LSAMP: variants seen among roughly 807,000 people sequenced by gnomAD.
The protein encoded by LSAMP is limbic system-associated membrane protein.
A neutral mutation model predicts 38.6 loss-of-function variants in LSAMP; 7 were observed. The observed-to-expected ratio is 0.18, with a 90% CI of 0.10 to 0.34. The LOEUF (loss-of-function observed/expected upper bound fraction) is 0.34, where lower values mean the gene tolerates loss of function less well. Among genes scored for constraint, LSAMP ranks in the 10% least tolerant of loss-of-function variants. The probability of loss-of-function intolerance (pLI) is 1.00; values close to 1 mark genes in which losing one functional copy is unlikely to be tolerated. For missense variants in LSAMP, 313 were observed against 420.0 expected (o/e 0.75, Z 2.23); for synonymous variants, 154 against 166.8 (o/e 0.92, Z 0.59).
chr3:116,131,574 T>C (rs1446372663), intron 1 of LSAMP, among the ~76,000 whole-genome samples: 1 of 152,090 alleles, frequency 6.6e-6, no homozygotes, highest in Non-Finnish European at 1.5e-5. Flanking sequence ...ATAGAGAGTC[T>C]ACCAGGGAAC....
At chr3:116,068,122 C>T (rs1389232281) in intron 2 of LSAMP, among the ~76,000 whole-genome samples, 2 of 152,030 alleles carry the variant, frequency 1.3e-5, no homozygotes, top group Non-Finnish European at 2.9e-5. Context: ...GGTTTATAAC[C>T]ATGGAAGCAT....
At chr3:116,023,536 C>T (rs187661404) in intron 2 of LSAMP, among the ~76,000 whole-genome samples, 1,797 of 139,498 alleles carry the variant, frequency 0.013, 16 homozygotes, top group Non-Finnish European at 0.021. Flanking sequence ...ACCCAGGAGG[C>T]GGAGGTTGCA....
At chr3:116,259,699 A>G (rs2046800448) in intron 1 of LSAMP, among the ~76,000 whole-genome samples, 1 of 152,098 alleles carries the variant, frequency 6.6e-6, no homozygotes, top group Admixed American at 6.6e-5. Flanking sequence ...CATTTCGTAA[A>G]GTTGCTTGCA....
At chr3:115,986,404 T>C (rs1232136015) in intron 3 of LSAMP, among the ~76,000 whole-genome samples, 1 of 152,120 alleles carries the variant, frequency 6.6e-6, no homozygotes, top group African/African-American at 2.4e-5. Flanking sequence ...ATTTCACCAG[T>C]ATATCTTAGG....
At chr3:116,366,278 C>T (rs1228575208) in intron 1 of LSAMP, among the ~76,000 whole-genome samples, 1 of 152,036 alleles carries the variant, frequency 6.6e-6, no homozygotes, top group African/African-American at 2.4e-5. Flanking sequence ...CTTTTTGTTT[C>T]CCTACCAAAC....
chr3:116,268,790 ATAT>A lies in LSAMP; in HGVS notation c.155+176084_155+176086del, dbSNP rs1265663430. Reference sequence around the variant, plus strand: ...TATAATTTGTTGCTCATTTAAAAAAATATTATTATTCTCTTGTAGGATGAAGGA... The same window carrying A: ...TATAATTTGTTGCTCATTTAAAAAAATATTATTCTCTTGTAGGATGAAGGA... On this transcript the variant is annotated intron_variant, in intron 1 of 6. Transcript: ENST00000490035. Among the ~76,000 whole-genome samples, 29 of 152,064 alleles carry A rather than the reference ATAT, an allele frequency of 1.9e-4. 1 individual carries two copies. Among genetic ancestry groups the A allele is most frequent in the Admixed American group, 7.9e-4 (12 of 15,248 alleles).
chr3:115,824,512 C>G (rs1182173694), intron 6 of LSAMP, among the ~76,000 whole-genome samples: 1 of 152,036 alleles, frequency 6.6e-6, no homozygotes, highest in African/African-American at 2.4e-5. Flanking sequence ...ACCAGCCTGG[C>G]CAACATGGTG....
At chr3:116,164,655 TATATATATAATCCAA>T in intron 1 of LSAMP, among the ~76,000 whole-genome samples, 2 of 137,092 alleles carry the variant, frequency 1.5e-5, no homozygotes, top group African/African-American at 5.4e-5. Context: ...AATCCAAATA[TATATATATAATCCAA>T]ATATATATAT....
At chr3:116,434,534 G>A (rs938360673) in intron 1 of LSAMP, among the ~76,000 whole-genome samples, 1 of 152,152 alleles carries the variant, frequency 6.6e-6, no homozygotes, top group African/African-American at 2.4e-5. Context: ...GAGCAAAGAG[G>A]TAACTAGTAA....
At chr3:116,200,436 T>G (rs538246063) in intron 1 of LSAMP, among the ~76,000 whole-genome samples, 1 of 152,136 alleles carries the variant, frequency 6.6e-6, no homozygotes, top group Non-Finnish European at 1.5e-5. Context: ...CTAATAACAG[T>G]GGATTTTTCA....
At chr3:116,134,533 G>A (rs1210784259) in intron 1 of LSAMP, among the ~76,000 whole-genome samples, 2 of 152,086 alleles carry the variant, frequency 1.3e-5, no homozygotes, top group African/African-American at 2.4e-5. Flanking sequence ...CCTTTTCACC[G>A]TGCTTAAGGT....
At chr3:116,193,051 G>C (rs919262559) in intron 1 of LSAMP, among the ~76,000 whole-genome samples, 4 of 151,962 alleles carry the variant, frequency 2.6e-5, no homozygotes, top group Non-Finnish European at 5.9e-5. Context: ...TGAGGATGAG[G>C]GCGATGTTAT....
At chr3:116,403,603 T>C (rs925107556) in intron 1 of LSAMP, among the ~76,000 whole-genome samples, 3 of 152,198 alleles carry the variant, frequency 2.0e-5, no homozygotes, top group Non-Finnish European at 2.9e-5. Flanking sequence ...GAAATAATTC[T>C]GTGTGCTCTC....
At chr3:115,819,797 C>T (rs1277793909) in intron 6 of LSAMP, among the ~76,000 whole-genome samples, 1 of 152,180 alleles carries the variant, frequency 6.6e-6, no homozygotes, top group Non-Finnish European at 1.5e-5. Context: ...TCCTAAAGAT[C>T]TTAACAGTTG....
chr3:116,401,004 C>T (rs1420220533), intron 1 of LSAMP, among the ~76,000 whole-genome samples: 2 of 152,066 alleles, frequency 1.3e-5, no homozygotes, highest in African/African-American at 2.4e-5. Context: ...AACTCAGATC[C>T]CAACAAGAGA....
chr3:116,199,166 T>C (rs1015433642), intron 1 of LSAMP, among the ~76,000 whole-genome samples: 3 of 147,218 alleles, frequency 2.0e-5, no homozygotes, highest in African/African-American at 7.4e-5. Flanking sequence ...TGCTTGTGAT[T>C]TTTTTTTTTT....
At chr3:116,247,873 C>A (rs2107644993) in intron 1 of LSAMP, among the ~76,000 whole-genome samples, 1 of 152,318 alleles carries the variant, frequency 6.6e-6, no homozygotes, top group East Asian at 1.9e-4. Context: ...AGTTTAACAT[C>A]ACTTACTTCT....
chr3:115,976,445 G>A (rs557570195), intron 3 of LSAMP, among the ~76,000 whole-genome samples: 2 of 152,142 alleles, frequency 1.3e-5, no homozygotes, highest in South Asian at 4.1e-4. Context: ...AAAAGAGGCT[G>A]AGCATAAACA....
intron 1 of LSAMP, among the ~76,000 whole-genome samples, chr3:116,216,560 G>GA (rs11356371): frequency 1.6e-3 from 229 of 142,518 alleles, no homozygotes; most frequent in African/African-American, 3.6e-3. Flanking sequence ...CAAAGAATGA[G>GA]AAAAAAAAAA....
Sources: gnomAD v4.1 joint callset for allele counts (sites outside exome capture counted in the v4.1 genomes callset) on GRCh38, gnomAD v4.1.1 for gene constraint, MANE v1.5 for transcripts, NCBI Gene and HGNC (gene_info 2026-07-23, HGNC 2026-07-21) for gene names.